Variants in PPP3CA observed in about 807,000 individuals in gnomAD.
PPP3CA encodes protein phosphatase 3 catalytic subunit alpha, also known as CAM-PRP catalytic subunit.
PPP3CA carries 14 observed loss-of-function variants against 66.5 expected under a neutral mutation model. The observed-to-expected ratio is 0.21, with a 90% CI of 0.14 to 0.33. The LOEUF (loss-of-function observed/expected upper bound fraction) is 0.33. Among genes scored for constraint, PPP3CA ranks in the 10% least tolerant of loss-of-function variants. The probability of loss-of-function intolerance (pLI) is 1.00; values close to 1 mark genes in which losing one functional copy is unlikely to be tolerated. For synonymous variants in PPP3CA, 232 were observed against 226.2 expected, an observed-to-expected ratio of 1.03 and a Z score of -0.23; for missense variants, 317 against 639.5, an observed-to-expected ratio of 0.50 and a Z score of 5.44.
intron 1 of PPP3CA, among the ~76,000 whole-genome samples, chr4:101,197,587 T>A (rs1474382134): frequency 6.6e-6 from 1 of 152,200 alleles, no homozygotes; most frequent in East Asian, 1.9e-4. Context: ...ATTACATCTA[T>A]CTGAGGATTG....
intron 1 of PPP3CA, among the ~76,000 whole-genome samples, chr4:101,303,480 T>A (rs1728441723): frequency 1.3e-5 from 2 of 152,216 alleles, no homozygotes; most frequent in South Asian, 2.1e-4. Flanking sequence ...TTCAAAAATA[T>A]CATGTACATT....
intron 1 of PPP3CA, among the ~76,000 whole-genome samples, chr4:101,238,636 CA>C (rs1027075289): frequency 6.6e-6 from 1 of 152,032 alleles, no homozygotes; most frequent in African/African-American, 2.4e-5. Flanking sequence ...CTTAAAAGTG[CA>C]TATCTTAAAG....
chr4:101,305,881 C>T (rs1728521004), intron 1 of PPP3CA, among the ~76,000 whole-genome samples: 1 of 145,742 alleles, frequency 6.9e-6, no homozygotes, highest in Non-Finnish European at 1.5e-5. Context: ...TAGGAAAGTA[C>T]CAAAATATAA....
At chr4:101,152,262 AG>A (rs1723167770) in intron 2 of PPP3CA, among the ~76,000 whole-genome samples, 1 of 152,244 alleles carries the variant, frequency 6.6e-6, no homozygotes, top group Admixed American at 6.5e-5. Flanking sequence ...AAAATCATAT[AG>A]TACTTTGATC....
At chr4:101,087,355 C>T (rs1055632936) in intron 6 of PPP3CA, among the ~76,000 whole-genome samples, 1 of 152,164 alleles carries the variant, frequency 6.6e-6, no homozygotes, top group Non-Finnish European at 1.5e-5. Flanking sequence ...AACATCTATA[C>T]AGAAAAAGGC....
chr4:101,049,844 C>T (rs949436320), intron 10 of PPP3CA, among the ~76,000 whole-genome samples: 1 of 152,070 alleles, frequency 6.6e-6, no homozygotes, highest in East Asian at 1.9e-4. Flanking sequence ...TACCACTTGA[C>T]AGCATAATAA....
chr4:101,247,337 T>C (rs1726518828), intron 1 of PPP3CA, among the ~76,000 whole-genome samples: 1 of 152,054 alleles, frequency 6.6e-6, no homozygotes, highest in Non-Finnish European at 1.5e-5. Context: ...AATTTTTGTA[T>C]TTTTGGTAGA....
intron 1 of PPP3CA, among the ~76,000 whole-genome samples, chr4:101,198,692 A>G (rs983550812): frequency 6.6e-6 from 1 of 152,060 alleles, no homozygotes; most frequent in African/African-American, 2.4e-5. Context: ...ACAGGAGAGC[A>G]CCCCAGGGAG....
intron 2 of PPP3CA, among the ~76,000 whole-genome samples, chr4:101,189,687 CAA>C (rs554383258): frequency 1.4e-4 from 10 of 72,574 alleles, no homozygotes; most frequent in Non-Finnish European, 2.3e-4. Flanking sequence ...TAGTGAACGG[CAA>C]AAAAAAAAAA....
intron 10 of PPP3CA, among the ~76,000 whole-genome samples, chr4:101,047,339 C>T (rs1047323958): frequency 6.6e-6 from 1 of 152,096 alleles, no homozygotes; most frequent in Non-Finnish European, 1.5e-5. Flanking sequence ...CATGTAGCTA[C>T]AAAATAATAT....
chr4:101,184,086 C>T (rs1376081511), intron 2 of PPP3CA, among the ~76,000 whole-genome samples: 1 of 152,134 alleles, frequency 6.6e-6, no homozygotes, highest in East Asian at 1.9e-4. Flanking sequence ...AATTTTATGT[C>T]CTTTGACTCA....
At position 101,347,336 on chromosome 4, in the gene PPP3CA, TGCTGCCGCTGCC is replaced by T. The variant is rs1156384821; in HGVS notation, c.-552_-541del. The stretch of plus-strand genomic sequence containing the variant: ...AGGCGGCCGCCGCTGCTGCCGCTGC[TGCTGCCGCTGCC>T]GCTGTTGCTGCTGCCGCTGCCCCTG... On this transcript the variant is annotated 5_prime_UTR_variant, in exon 1 of 14. Transcript: ENST00000394854. 4 of 204,216 alleles carry T rather than the reference TGCTGCCGCTGCC, an allele frequency of 2.0e-5. No homozygotes were observed. Among genetic ancestry groups the T allele is most frequent in the Non-Finnish European group, 2.9e-5 (3 of 103,384 alleles). 12.7% of individuals were successfully genotyped at this position (204,216 alleles called of 1,614,324 possible).
intron 7 of PPP3CA, among the ~76,000 whole-genome samples, chr4:101,082,975 A>G (rs1210160642): frequency 1.3e-5 from 2 of 152,196 alleles, no homozygotes; most frequent in Non-Finnish European, 2.9e-5. Context: ...CTAAAGATGT[A>G]AGAACTTTAC....
At chr4:101,186,826 A>C (rs1724425454) in intron 2 of PPP3CA, among the ~76,000 whole-genome samples, 1 of 152,160 alleles carries the variant, frequency 6.6e-6, no homozygotes. Flanking sequence ...TAAGGTGTCT[A>C]TACTTCTAAT....
chr4:101,244,621 A>G (rs1026524424), intron 1 of PPP3CA, among the ~76,000 whole-genome samples: 2 of 152,210 alleles, frequency 1.3e-5, no homozygotes, highest in Admixed American at 6.5e-5. Flanking sequence ...TACAGCTCAG[A>G]CACAAACACA....
At chr4:101,214,858 T>C (rs1258085366) in intron 1 of PPP3CA, among the ~76,000 whole-genome samples, 1 of 152,154 alleles carries the variant, frequency 6.6e-6, no homozygotes, top group Admixed American at 6.6e-5. Flanking sequence ...TGACACTGAT[T>C]AAGCACATGC....
At chr4:101,213,805 C>T (rs1725378194) in intron 1 of PPP3CA, among the ~76,000 whole-genome samples, 2 of 152,002 alleles carry the variant, frequency 1.3e-5, no homozygotes, top group Non-Finnish European at 2.9e-5. Context: ...AATCCCATGC[C>T]CTCTCCACTA....
chr4:101,311,698 T>G (rs1240704244), intron 1 of PPP3CA, among the ~76,000 whole-genome samples: 1 of 152,156 alleles, frequency 6.6e-6, no homozygotes, highest in African/African-American at 2.4e-5. Context: ...GAGAATAGCT[T>G]GAACCCAGGA....
In PPP3CA at chr4:101,169,308, C is replaced by T. The variant is rs116727704; in HGVS notation, c.259+26608G>A. ...CCTTCTACATGGATTTAGCACAGTG[C>T]GTAGAGAAGATGCTCAGTCAGCAGC... On this transcript the variant is annotated intron_variant, in intron 2 of 13. Coordinates refer to ENST00000394854, the MANE Select transcript of PPP3CA (RefSeq NM_000944.5). Among the ~76,000 whole-genome samples the T allele has an allele frequency of 6.6e-3, 1,009 of 152,208 alleles. 8 individuals are homozygous for T. Among genetic ancestry groups the T allele is most frequent in the African/African-American group, 0.024 (977 of 41,518 alleles).
Sources: allele counts gnomAD v4.1 joint callset (sites outside exome capture counted in the v4.1 genomes callset), GRCh38; gene constraint gnomAD v4.1.1; transcripts MANE v1.5; gene names NCBI Gene and HGNC (gene_info 2026-07-23, HGNC 2026-07-21).